Variants in ERAP1 observed in about 807,000 individuals in gnomAD.
The protein encoded by ERAP1 is endoplasmic reticulum aminopeptidase 1.
Under a neutral mutation model 103.7 loss-of-function variants are expected in ERAP1, and 86 were observed. The observed-to-expected ratio is 0.83, with a 90% CI of 0.70 to 0.99. The LOEUF is 0.99. Among genes scored for constraint, ERAP1 ranks in the 50% least tolerant of loss-of-function variants. The probability of loss-of-function intolerance (pLI) is 0.00; values close to 1 mark genes in which losing one functional copy is unlikely to be tolerated. For missense variants in ERAP1, 1,009 were observed against 1,128.4 expected (o/e 0.89, Z 1.52); for synonymous variants, 398 against 402.4 (o/e 0.99, Z 0.13).
chr5:96,824,413 G>T, the ERAP1 span, among the ~76,000 whole-genome samples: 1 of 152,044 alleles, frequency 6.6e-6, no homozygotes, highest in Non-Finnish European at 1.5e-5. Context: ...CTATGAATTG[G>T]ATCCTATCCT....
At chr5:96,903,291 G>T in the ERAP1 span, 2 of 1,059,158 alleles carry the variant, frequency 1.9e-6, no homozygotes, top group South Asian at 1.8e-5. Context: ...TGATTTATAA[G>T]TAATTTGATT....
At chr5:96,901,498 C>T in the ERAP1 span, 1 of 1,612,554 alleles carries the variant, frequency 6.2e-7, no homozygotes, top group Non-Finnish European at 8.5e-7. Flanking sequence ...AGTCACCTGT[C>T]ATTTCAGCTC....
chr5:96,837,779 T>C, the ERAP1 span, among the ~76,000 whole-genome samples: 2 of 152,290 alleles, frequency 1.3e-5, no homozygotes, highest in South Asian at 4.1e-4. Context: ...TGAGGTCACA[T>C]GAACAAATTA....
chr5:96,931,706 A>T, the ERAP1 span, among the ~76,000 whole-genome samples: 3 of 152,198 alleles, frequency 2.0e-5, no homozygotes, highest in Non-Finnish European at 4.4e-5. Flanking sequence ...GGAATTTCTG[A>T]GAAGGGTTTC....
chr5:96,789,914 A>G (rs370293009), intron 10 of ERAP1, among the ~76,000 whole-genome samples: 3 of 152,378 alleles, frequency 2.0e-5, no homozygotes, highest in East Asian at 3.9e-4. Context: ...CTGACACATG[A>G]CAAGTATTCA....
chr5:96,928,675 T>C, the ERAP1 span, among the ~76,000 whole-genome samples: 1 of 152,208 alleles, frequency 6.6e-6, no homozygotes, highest in African/African-American at 2.4e-5. Context: ...CACTAGGTTT[T>C]ACAGTAGCCC....
chr5:96,890,200 C>G, the ERAP1 span, among the ~76,000 whole-genome samples: 2 of 152,176 alleles, frequency 1.3e-5, no homozygotes, highest in Non-Finnish European at 2.9e-5. Context: ...CTTTTTGACA[C>G]TAGGGACCAG....
intron 9 of ERAP1, 32 bp downstream of exon 9, chr5:96,790,480 C>A (rs547132145): frequency 3.3e-5 from 53 of 1,613,288 alleles, no homozygotes; most frequent in Admixed American, 6.7e-5. Flanking sequence ...CCTGTCAATC[C>A]CAAATGCAGA....
rs367872707 is a variant in ERAP1, at chr5:96,784,596, G to A, written c.1944-516C>T. On this transcript the variant is annotated intron_variant, in intron 13 of 18. Coordinates refer to ENST00000443439, the MANE Select transcript of ERAP1 (RefSeq NM_001040458.3). ...GGGAGGAAGTTTCTCAAACAGTAAC[G>A]TCTAGGGCTAACGTGGATAAGCCGG... 5.7e-3 allele frequency among the ~76,000 whole-genome samples: 479 copies of A among 84,036 alleles called. 6 individuals are homozygous for A. The highest frequency in any genetic ancestry group is 0.032 in the South Asian group (76 of 2,394). The allele number at this position is 84,036 out of a possible 152,430, so 55.1% of individuals were successfully genotyped here. A position where few individuals can be genotyped will look rare whatever the true frequency, so the allele number is the denominator to read the frequency against.
the ERAP1 span, among the ~76,000 whole-genome samples, chr5:96,853,418 T>C: frequency 6.6e-6 from 1 of 152,146 alleles, no homozygotes; most frequent in Non-Finnish European, 1.5e-5. Flanking sequence ...AGGCCAAACC[T>C]GCCTTAGGTA....
chr5:96,786,607 T>C (rs1444266233), intron 11 of ERAP1, 58 bp from the exon 12 acceptor site: 1 of 1,122,150 alleles, frequency 8.9e-7, no homozygotes, highest in East Asian at 2.4e-5. Flanking sequence ...AAGCAGTTAT[T>C]AAATCACCTA....
the ERAP1 span, among the ~76,000 whole-genome samples, chr5:96,876,889 C>T: frequency 1.3e-5 from 2 of 152,192 alleles, 1 homozygote; most frequent in African/African-American, 4.8e-5. Flanking sequence ...TGTTTTAGTC[C>T]TGATTCTGTT....
In ERAP1 at chr5:96,790,338, C is replaced by T. The variant is rs144737304; in HGVS notation, c.1482G>A (p.Met494Ile). 3.7e-5 allele frequency: 59 copies of T among 1,614,018 alleles called. No homozygotes were observed. The highest frequency in any genetic ancestry group is 5.0e-5 in the Admixed American group (3 of 60,020). Residue 494 changes from methionine to isoleucine, a missense_variant, in exon 10 of 19, where the codon ATG becomes ATA. Coordinates refer to ENST00000443439, the MANE Select transcript of ERAP1 (RefSeq NM_001040458.3). ...GTTGACTTCTAGAGCAAAAGCCATC[C>T]ATCCCTTTTACACCATCTGTAGGGC... ...SICPTDGVKGMDGFCSRSQHS... is the reference protein window; with the variant it reads ...SICPTDGVKGIDGFCSRSQHS...
chr5:96,837,124 A>T, the ERAP1 span, among the ~76,000 whole-genome samples: 1 of 152,230 alleles, frequency 6.6e-6, no homozygotes, highest in Non-Finnish European at 1.5e-5. Context: ...TTTTTAGTGT[A>T]GATATGTAGG....
In ERAP1 at chr5:96,807,900, C is replaced by A. The variant is rs995814688; in HGVS notation, c.-58G>T. On this transcript the variant is annotated 5_prime_UTR_variant, in exon 1 of 19. Coordinates refer to ENST00000443439, the MANE Select transcript of ERAP1 (RefSeq NM_001040458.3). ...CGCCCTCACCCTTGCGCCGCCGCCA[C>A]CACCACTGCCGCCGGCCTAGCTCCC... 1 of 986,218 alleles carries A rather than the reference C, an allele frequency of 1.0e-6. No individual in the cohort carries two copies. Among genetic ancestry groups the A allele is most frequent in the South Asian group, 4.7e-5 (1 of 21,392 alleles). 61.1% of individuals were successfully genotyped at this position (986,218 alleles called of 1,614,324 possible).
At position 96,774,682 on chromosome 5, in the gene ERAP1, A is replaced by AATCT. The variant is rs1379681499; in HGVS notation, c.*1710_*1713dup. The AATCT allele has an allele frequency of 3.3e-5, 32 of 982,416 alleles. No individual in the cohort carries two copies. The South Asian group carries it at 1.3e-3, about 39-fold the overall frequency. The allele number at this position is 982,416 out of a possible 1,614,324, so 60.9% of individuals were successfully genotyped here. A position where few individuals can be genotyped will look rare whatever the true frequency, so the allele number is the denominator to read the frequency against. Reference sequence around the variant, plus strand: ...ATTAAAGCAAAATATTTTACATTAAAATCTTGGTTGTGTATTTTTTTAAAA... The same window carrying AATCT: ...ATTAAAGCAAAATATTTTACATTAAAATCTATCTTGGTTGTGTATTTTTTTAAAA... On this transcript the variant is annotated 3_prime_UTR_variant, in exon 19 of 19. Coordinates refer to ENST00000443439, the MANE Select transcript of ERAP1 (RefSeq NM_001040458.3).
At chr5:96,927,635 C>A in the ERAP1 span, among the ~76,000 whole-genome samples, 41 of 152,080 alleles carry the variant, frequency 2.7e-4, no homozygotes, top group Middle Eastern at 3.4e-3. Context: ...TACAGGCGCC[C>A]GCCACCGCGC....
chr5:96,915,942 GC>G, the ERAP1 span: 1 of 487,856 alleles, frequency 2.0e-6, no homozygotes, highest in East Asian at 3.8e-5. Context: ...CTGACACTTG[GC>G]CAGGCACAGT....
chr5:96,912,816 A>G, the ERAP1 span: 76 of 1,576,252 alleles, frequency 4.8e-5, no homozygotes, highest in Non-Finnish European at 5.9e-5. Context: ...CAATAATTTA[A>G]CTAAATTGTT....
Sources: gnomAD v4.1 joint callset for allele counts (sites outside exome capture counted in the v4.1 genomes callset) on GRCh38, gnomAD v4.1.1 for gene constraint, MANE v1.5 for transcripts, NCBI Gene and HGNC (gene_info 2026-07-23, HGNC 2026-07-21) for gene names.